Variants in DENND1A observed in about 807,000 individuals in gnomAD.
DENND1A encodes DENN domain-containing protein 1A.
DENND1A carries 51 observed loss-of-function variants against 113.7 expected under a neutral mutation model. That is an observed-to-expected ratio of 0.45 (90% confidence interval 0.36 to 0.57). The LOEUF (loss-of-function observed/expected upper bound fraction) is 0.57, where lower values mean the gene tolerates loss of function less well. Among genes scored for constraint, DENND1A ranks in the 20% least tolerant of loss-of-function variants. The pLI is 0.00. For synonymous variants in DENND1A, 565 were observed against 570.8 expected, an observed-to-expected ratio of 0.99 and a Z score of 0.14; for missense variants, 1,258 against 1,395.9, an observed-to-expected ratio of 0.90 and a Z score of 1.57.
intron 13 of DENND1A, among the ~76,000 whole-genome samples, chr9:123,524,856 C>T (rs543253001): frequency 6.6e-6 from 1 of 152,288 alleles, no homozygotes; most frequent in African/African-American, 2.4e-5. Flanking sequence ...GGAATATAAC[C>T]AAACGCCTAC....
At chr9:123,605,633 T>A (rs2060121543) in intron 11 of DENND1A, among the ~76,000 whole-genome samples, 1 of 152,236 alleles carries the variant, frequency 6.6e-6, no homozygotes, top group Non-Finnish European at 1.5e-5. Flanking sequence ...CGATCAGGTA[T>A]ACACTTGTCA....
At chr9:123,482,078 A>G (rs985898645) in intron 13 of DENND1A, among the ~76,000 whole-genome samples, 1 of 150,816 alleles carries the variant, frequency 6.6e-6, no homozygotes, top group Non-Finnish European at 1.5e-5. Context: ...AGCTGGGATT[A>G]CAGGCATGAG....
At chr9:123,623,491 T>G (rs2061051702) in intron 10 of DENND1A, among the ~76,000 whole-genome samples, 1 of 152,224 alleles carries the variant, frequency 6.6e-6, no homozygotes, top group Non-Finnish European at 1.5e-5. Context: ...TGAATCCAGG[T>G]CTGCCTGAAT....
intron 8 of DENND1A, among the ~76,000 whole-genome samples, chr9:123,657,673 C>G (rs2063028661): frequency 6.6e-6 from 1 of 152,074 alleles, no homozygotes; most frequent in Non-Finnish European, 1.5e-5. Context: ...AGGCAAGAGG[C>G]TTGGTTTTGT....
chr9:123,568,943 C>T (rs1287730779), intron 12 of DENND1A, among the ~76,000 whole-genome samples: 4 of 152,156 alleles, frequency 2.6e-5, no homozygotes. Context: ...TCAATTCTTG[C>T]AAAGAAAAGC....
At chr9:123,395,379 C>T (rs1443537792) in intron 21 of DENND1A, among the ~76,000 whole-genome samples, 1 of 152,108 alleles carries the variant, frequency 6.6e-6, no homozygotes, top group Non-Finnish European at 1.5e-5. Context: ...GTATTCTTGG[C>T]ACTTCCTGCT....
chr9:123,600,354 C>T (rs1174294642), intron 11 of DENND1A, among the ~76,000 whole-genome samples: 1 of 152,130 alleles, frequency 6.6e-6, no homozygotes, highest in African/African-American at 2.4e-5. Context: ...ATTTACTCCT[C>T]ATTGAAAACT....
rs193070471 is a variant in DENND1A at position 123,544,927 on chromosome 9, T to C, written c.993+12643A>G. 1.0e-3 allele frequency among the ~76,000 whole-genome samples: 156 copies of C among 151,972 alleles called. 1 individual carries two copies. Among genetic ancestry groups the C allele is most frequent in the African/African-American group, 3.6e-3 (148 of 41,434 alleles). On this transcript the variant is annotated intron_variant, in intron 13 of 23. Coordinates refer to ENST00000394215, the MANE Select transcript of DENND1A (RefSeq NM_001352964.2). ...TCCTGGCTAACACGGTGAAACCCCG[T>C]CTCTACTAAAAACACAAAAAATTAG...
chr9:123,861,474 T>C (rs1388088256), intron 2 of DENND1A, among the ~76,000 whole-genome samples: 2 of 152,214 alleles, frequency 1.3e-5, no homozygotes, highest in Non-Finnish European at 2.9e-5. Context: ...AGCTTTATTT[T>C]GGGGCTGTAT....
intron 13 of DENND1A, among the ~76,000 whole-genome samples, chr9:123,495,997 A>G (rs2051885082): frequency 6.6e-6 from 1 of 152,248 alleles, no homozygotes; most frequent in Non-Finnish European, 1.5e-5. Context: ...TTAAGCAGAG[A>G]GGCTGGGGAC....
intron 3 of DENND1A, among the ~76,000 whole-genome samples, chr9:123,782,538 G>T (rs1446680376): frequency 6.6e-6 from 1 of 152,226 alleles, no homozygotes; most frequent in Non-Finnish European, 1.5e-5. Context: ...AGGTCCTAGA[G>T]ATCTGGACAC....
At chr9:123,875,866 G>A (rs1847373257) in intron 2 of DENND1A, among the ~76,000 whole-genome samples, 1 of 152,164 alleles carries the variant, frequency 6.6e-6, no homozygotes, top group Non-Finnish European at 1.5e-5. Flanking sequence ...TGGTAGAGGA[G>A]GGACAAAGCA....
chr9:123,381,412 CCCCA>C lies in DENND1A; in HGVS notation c.*16_*19del. 6.2e-7 allele frequency: 1 copy of C among 1,610,264 alleles called. No individual in the cohort carries two copies. Among genetic ancestry groups the C allele is most frequent in the East Asian group, 2.2e-5 (1 of 44,860 alleles). On this transcript the variant is annotated 3_prime_UTR_variant, in exon 24 of 24. Transcript: ENST00000394215. This position sits in a 1 kb window ranked among gnomAD's most constrained non-coding sequence, Gnocchi z 4.7. ...ACGGACCCTCGGGCCTCGGTGCATC[CCCCA>C]CCCTCAGGGCCCGGCTCACTCGAAG...
intron 3 of DENND1A, among the ~76,000 whole-genome samples, chr9:123,783,078 A>G (rs966222755): frequency 6.6e-6 from 1 of 152,258 alleles, no homozygotes; most frequent in Non-Finnish European, 1.5e-5. Context: ...GGGCTCATTT[A>G]CAAGGACAGT....
In DENND1A at chr9:123,730,342, T is replaced by A. The variant is rs1040583012; in HGVS notation, c.302+27361A>T. 2.0e-5 allele frequency among the ~76,000 whole-genome samples: 3 copies of A among 151,748 alleles called. No individual in the cohort carries two copies. The East Asian group carries it at 5.8e-4, about 29-fold the overall frequency. On this transcript the variant is annotated intron_variant, in intron 5 of 23. Transcript: ENST00000394215. ...AGGCAACCTACAGAATGGGAGAAAA[T>A]TTTTGCAATCTATCCATCTGACAAA...
chr9:123,454,669 C>G, intron 16 of DENND1A, 70 bp downstream of exon 16: 6 of 1,471,510 alleles, frequency 4.1e-6, no homozygotes, highest in Non-Finnish European at 5.6e-6. Flanking sequence ...AGGGGAAGCA[C>G]AGGGAAGCGG....
chr9:123,709,008 C>CAGT (rs2140898336), intron 5 of DENND1A, among the ~76,000 whole-genome samples: 2 of 152,336 alleles, frequency 1.3e-5, no homozygotes, highest in South Asian at 4.1e-4. Flanking sequence ...TTTTGGCTAT[C>CAGT]AGTAGGCTGC....
intron 2 of DENND1A, among the ~76,000 whole-genome samples, chr9:123,845,173 T>C (rs989873562): frequency 6.6e-6 from 1 of 151,900 alleles, no homozygotes; most frequent in Non-Finnish European, 1.5e-5. Flanking sequence ...TGAGTCAAGG[T>C]TGTGCCACTA....
At chr9:123,735,679 AAAC>A (rs2068509975) in intron 5 of DENND1A, among the ~76,000 whole-genome samples, 1 of 152,176 alleles carries the variant, frequency 6.6e-6, no homozygotes, top group Admixed American at 6.5e-5. Flanking sequence ...TGAATTCCCA[AAAC>A]AACAGTCACC....
Sources: allele counts gnomAD v4.1 joint callset (sites outside exome capture counted in the v4.1 genomes callset), GRCh38; gene constraint gnomAD v4.1.1; non-coding constraint Gnocchi (gnomAD v3.1); transcripts MANE v1.5; gene names NCBI Gene and HGNC (gene_info 2026-07-23, HGNC 2026-07-21).